Variants in SEMA3F observed in about 807,000 individuals in gnomAD.
SEMA3F encodes semaphorin 3F, also known as semaphorin-3F.
Under a neutral mutation model 98.5 loss-of-function variants are expected in SEMA3F, and 30 were observed. That is an observed-to-expected ratio of 0.30 (90% CI 0.23 to 0.41). The LOEUF (loss-of-function observed/expected upper bound fraction) is 0.41. Ranked by LOEUF, SEMA3F falls within the 10% of genes least tolerant of loss-of-function variation. SEMA3F has a pLI of 1.00. For synonymous variants in SEMA3F, 380 were observed against 444.8 expected, an observed-to-expected ratio of 0.85 and a Z score of 1.83; for missense variants, 866 against 1,119.3, an observed-to-expected ratio of 0.77 and a Z score of 3.23.
intron 2 of SEMA3F, among the ~76,000 whole-genome samples, chr3:50,168,809 A>G (rs1363682441): frequency 6.6e-6 from 1 of 152,136 alleles, no homozygotes; most frequent in Non-Finnish European, 1.5e-5. Context: ...CACTGCTACT[A>G]TAGCCTTGGC....
Position 50,182,820 on chromosome 3 carries a change from C to T in SEMA3F, c.903+37C>T. ...CAGAGCCACCAGGCTGCCCCTTCCA[C>T]CAGTTCTGGCTTCATCAGCCCTGCT... On this transcript the variant is annotated intron_variant, in intron 9 of 18. Coordinates refer to ENST00000002829, the MANE Select transcript of SEMA3F (RefSeq NM_004186.5). The surrounding 1 kb of genome is among the most constrained non-coding windows in gnomAD (Gnocchi z 4.5). 2 of 1,611,276 alleles carry T rather than the reference C, an allele frequency of 1.2e-6. No individual in the cohort carries two copies. Among genetic ancestry groups the T allele is most frequent in the Non-Finnish European group, 1.7e-6 (2 of 1,178,686 alleles).
At position 50,182,849 on chromosome 3, in the gene SEMA3F, G is replaced by A. The variant is rs1699066340; in HGVS notation, c.904-55G>A. 1.2e-6 allele frequency: 2 copies of A among 1,609,794 alleles called. No individual in the cohort carries two copies. The highest frequency in any genetic ancestry group is 2.2e-5 in the East Asian group (1 of 44,854). On this transcript the variant is annotated intron_variant, in intron 9 of 18. Transcript: ENST00000002829. The surrounding 1 kb of genome is among the most constrained non-coding windows in gnomAD (Gnocchi z 4.5). The stretch of plus-strand genomic sequence containing the variant: ...TTCTGGCTTCATCAGCCCTGCTCCA[G>A]CCAGGGCTTGGGGTCAAGAGCTGAT...
At chr3:50,155,231 G>A, upstream of SEMA3F, 1 of 338,408 alleles carries the variant, frequency 3.0e-6, no homozygotes. This position sits in a 1 kb window ranked among gnomAD's most constrained non-coding sequence, Gnocchi z 4.9. Context: ...TCGAAGCCGA[G>A]TGCGCGCCAC....
chr3:50,180,765 G>GC (rs1377102969), intron 7 of SEMA3F, among the ~76,000 whole-genome samples: 1 of 152,128 alleles, frequency 6.6e-6, no homozygotes, highest in African/African-American at 2.4e-5. Context: ...TTGAAATATT[G>GC]CAAGAATCAC....
rs1697986621 is a variant in SEMA3F, at chr3:50,156,427, T to C, written c.-49+863T>C. On this transcript the variant is annotated intron_variant, in intron 1 of 18. Transcript: ENST00000002829. The surrounding 1 kb of genome is among the most constrained non-coding windows in gnomAD (Gnocchi z 4.5). ...ATAGCTGTGTTTTGCCACCAGAACATTACTGCTTGGGAGAGGTAAGGGAGA... is the reference window on the plus strand; with the variant it reads ...ATAGCTGTGTTTTGCCACCAGAACACTACTGCTTGGGAGAGGTAAGGGAGA... Among the ~76,000 whole-genome samples, 2 of 152,194 alleles carry C rather than the reference T, an allele frequency of 1.3e-5. No individual in the cohort carries two copies. Among genetic ancestry groups the C allele is most frequent in the Admixed American group, 6.5e-5 (1 of 15,288 alleles).
chr3:50,183,161 C>G lies in SEMA3F; in HGVS notation c.1019-25C>G, dbSNP rs780834595. On this transcript the variant is annotated intron_variant, in intron 10 of 18. Transcript: ENST00000002829. ...AGGGGCTCCCGCCCATGGCACCCTCCAACACCTTCTCCCTCTGTCCCCAGA... is the reference window on the plus strand; with the variant it reads ...AGGGGCTCCCGCCCATGGCACCCTCGAACACCTTCTCCCTCTGTCCCCAGA... The G allele has an allele frequency of 1.9e-6, 3 of 1,612,670 alleles. No individual in the cohort carries two copies. In the East Asian group the frequency reaches 6.7e-5, roughly 36 times the overall value.
At chr3:50,183,634 C>T (rs1263871051) in intron 12 of SEMA3F, 70 bp downstream of exon 12, 10 of 1,523,882 alleles carry the variant, frequency 6.6e-6, no homozygotes, top group Non-Finnish European at 9.0e-6. Flanking sequence ...AGGCTCTTTG[C>T]AACATGGGCC....
chr3:50,181,052 GC>G (rs1290988707), intron 7 of SEMA3F, among the ~76,000 whole-genome samples: 30 of 146,758 alleles, frequency 2.0e-4, no homozygotes, highest in Non-Finnish European at 4.2e-4. Flanking sequence ...GGGTGACAGA[GC>G]AAGACTCCAT....
At chr3:50,174,450 G>T (rs1029407579) in intron 5 of SEMA3F, 100 bp downstream of exon 5, 1 of 1,431,000 alleles carries the variant, frequency 7.0e-7, no homozygotes, top group African/African-American at 1.4e-5. Flanking sequence ...TGCCACTTCC[G>T]AGCCTTTTGA....
intron 2 of SEMA3F, among the ~76,000 whole-genome samples, chr3:50,170,098 G>A (rs1439809326): frequency 6.6e-6 from 1 of 152,130 alleles, no homozygotes; most frequent in Non-Finnish European, 1.5e-5. Context: ...GCTGTCACAG[G>A]GCTCCTTGTT....
Position 50,182,170 on chromosome 3 carries a change from C to T in SEMA3F, c.644-114C>T. On this transcript the variant is annotated intron_variant, in intron 7 of 18. Coordinates refer to ENST00000002829, the MANE Select transcript of SEMA3F (RefSeq NM_004186.5). The surrounding 1 kb of genome is among the most constrained non-coding windows in gnomAD (Gnocchi z 4.5). Reference sequence around the variant, plus strand: ...ACCAGCACTCCACTGGAGATAGGATCATGCCCCAGGGAGCCTGAGCGGGGA... The same window carrying T: ...ACCAGCACTCCACTGGAGATAGGATTATGCCCCAGGGAGCCTGAGCGGGGA... The T allele has an allele frequency of 7.5e-7, 1 of 1,338,780 alleles. No individual in the cohort carries two copies. The highest frequency in any genetic ancestry group is 1.1e-6 in the Non-Finnish European group (1 of 948,452). The allele number at this position is 1,338,780 out of a possible 1,614,324, so 82.9% of individuals were successfully genotyped here.
intron 2 of SEMA3F, among the ~76,000 whole-genome samples, chr3:50,165,479 T>C (rs1375242144): frequency 1.3e-5 from 2 of 152,174 alleles, no homozygotes; most frequent in Admixed American, 1.3e-4. Context: ...CAATAACTCC[T>C]TCTGTGAATG....
At chr3:50,178,981 G>A (rs1383201775) in intron 7 of SEMA3F, among the ~76,000 whole-genome samples, 2 of 151,374 alleles carry the variant, frequency 1.3e-5, no homozygotes, top group African/African-American at 2.4e-5. Flanking sequence ...ACAGGCACCC[G>A]CCACCATACC....
At chr3:50,179,030 A>G (rs1698922337) in intron 7 of SEMA3F, among the ~76,000 whole-genome samples, 1 of 151,730 alleles carries the variant, frequency 6.6e-6, no homozygotes, top group Admixed American at 6.6e-5. Flanking sequence ...TCACCGTGTT[A>G]GCCAGGATGG....
intron 7 of SEMA3F, among the ~76,000 whole-genome samples, chr3:50,177,197 C>T (rs1481101746): frequency 4.6e-5 from 7 of 152,140 alleles, no homozygotes; most frequent in African/African-American, 1.2e-4. Flanking sequence ...GAGTGCGTAT[C>T]GGGGCTGGTC....
In SEMA3F at chr3:50,173,819, T is replaced by C. The variant is rs367874618; in HGVS notation, c.139T>C (p.Phe47Leu). Residue 47 changes from phenylalanine (F) to leucine (L), a missense_variant, in exon 3 of 19, where the codon TTC (phenylalanine) becomes CTC (leucine). This residue lies in a region of SEMA3F where 247 missense variants were observed against 276.0 expected (regional missense o/e 0.89). Transcript: ENST00000002829. ...GCTGAAGGCCACAGGCACCGCCCACTTCTTCAACTTCCTGCTCAACACAAC... is the reference window on the plus strand; with the variant it reads ...GCTGAAGGCCACAGGCACCGCCCACCTCTTCAACTTCCTGCTCAACACAAC... ...KELKATGTAH[F>L]FNFLLNTTDY... 8.7e-6 allele frequency: 14 copies of C among 1,613,966 alleles called. No homozygotes were observed. In the South Asian group the frequency reaches 9.9e-5, roughly 11 times the overall value.
intron 2 of SEMA3F, among the ~76,000 whole-genome samples, chr3:50,172,194 G>T (rs1698638372): frequency 1.3e-5 from 2 of 152,206 alleles, no homozygotes; most frequent in African/African-American, 4.8e-5. Context: ...GACCCCCTTG[G>T]TGAGTGCCTC....
intron 7 of SEMA3F, among the ~76,000 whole-genome samples, chr3:50,178,369 AC>A (rs1489256907): frequency 1.3e-5 from 2 of 152,184 alleles, no homozygotes; most frequent in African/African-American, 4.8e-5. Flanking sequence ...GGAGACCAAG[AC>A]CAATAAGCAG....
rs565442731 is a variant in SEMA3F at position 50,158,099 on chromosome 3, G to A, written c.-48-1476G>A. Among the ~76,000 whole-genome samples, 29 of 152,316 alleles carry A rather than the reference G, an allele frequency of 1.9e-4. No homozygotes were observed. The highest frequency in any genetic ancestry group is 7.0e-4 in the African/African-American group (29 of 41,570). On this transcript the variant is annotated intron_variant, in intron 1 of 18. Transcript: ENST00000002829. The surrounding 1 kb of genome is among the most constrained non-coding windows in gnomAD (Gnocchi z 4.8). ...AGGGGCCTCCCAGGTGCACCTTGAG[G>A]GTGACGGTGGCTGCACAGCCATTTC...
Sources: gnomAD v4.1 joint callset for allele counts (sites outside exome capture counted in the v4.1 genomes callset) on GRCh38, gnomAD v4.1.1 for gene constraint, gnomAD v4.1.1 regional missense constraint, Gnocchi (gnomAD v3.1) non-coding constraint, MANE v1.5 for transcripts, NCBI Gene and HGNC (gene_info 2026-07-23, HGNC 2026-07-21) for gene names.